ADGRF1: variants seen among roughly 807,000 people sequenced by gnomAD.
ADGRF1 encodes the protein adhesion G protein-coupled receptor F1.
A neutral mutation model predicts 87.2 loss-of-function variants in ADGRF1; 85 were observed. That is an observed-to-expected ratio of 0.97 (90% CI 0.82 to 1.17). The LOEUF (loss-of-function observed/expected upper bound fraction) is 1.17, where lower values mean the gene tolerates loss of function less well. ADGRF1 is among the 50% of genes most tolerant of loss of function. The probability of loss-of-function intolerance (pLI) is 0.00; values close to 1 mark genes in which losing one functional copy is unlikely to be tolerated. For missense variants in ADGRF1, 1,169 were observed against 1,077.2 expected (o/e 1.09, Z -1.19); for synonymous variants, 430 against 408.8 (o/e 1.05, Z -0.63).
At chr6:47,011,882 G>A (rs1476029471) in intron 10 of ADGRF1, 125 bp downstream of exon 10, 1 of 817,266 alleles carries the variant, frequency 1.2e-6, no homozygotes, top group African/African-American at 1.7e-5. Flanking sequence ...AAGCAGTAAA[G>A]TTCACATAAA....
intron 9 of ADGRF1, chr6:47,014,110 C>T (rs1779788811): frequency 8.6e-6 from 2 of 233,730 alleles, no homozygotes; most frequent in Admixed American, 6.5e-5. Flanking sequence ...ATCAAGTGAC[C>T]ATGCTTCTAA....
intron 11 of ADGRF1, among the ~76,000 whole-genome samples, chr6:47,007,948 A>G (rs1403181069): frequency 4.6e-5 from 7 of 152,256 alleles, no homozygotes; most frequent in Non-Finnish European, 1.0e-4. Context: ...GTTGCTGAAT[A>G]GATGGAGAAC....
chr6:47,008,611 T>C (rs542427532), intron 11 of ADGRF1, among the ~76,000 whole-genome samples: 5 of 152,322 alleles, frequency 3.3e-5, no homozygotes, highest in South Asian at 2.1e-4. Flanking sequence ...CAAGTACTTA[T>C]GATGTATTTC....
intron 7 of ADGRF1, chr6:47,017,792 G>T (rs955832094): frequency 6.6e-6 from 1 of 152,284 alleles, no homozygotes; most frequent in Admixed American, 6.5e-5. Context: ...TGCTTCTGGC[G>T]TGAGGGGATG....
At chr6:47,020,934 T>A (rs1780028738) in intron 6 of ADGRF1, 145 bp from the exon 7 acceptor site, 1 of 663,486 alleles carries the variant, frequency 1.5e-6, no homozygotes, top group Non-Finnish European at 2.7e-6. Context: ...TAATTGCATG[T>A]CATACAAATA....
At chr6:47,018,582 C>CT (rs1460376908) in intron 7 of ADGRF1, 3 of 1,289,216 alleles carry the variant, frequency 2.3e-6, no homozygotes, top group Non-Finnish European at 3.0e-6. Flanking sequence ...GTATAACTGT[C>CT]CTGTTTGACA....
rs1407937141 is a variant in ADGRF1, at chr6:47,014,666, G to A, written c.927+15C>T. The A allele has an allele frequency of 1.9e-6, 3 of 1,611,886 alleles. No individual in the cohort carries two copies. The highest frequency in any genetic ancestry group is 1.7e-5 in the Admixed American group (1 of 59,872). On this transcript the variant is annotated intron_variant, in intron 9 of 14. Transcript: ENST00000371253. ...CTCAAGACCAGGGCAAGTCTACACA[G>A]TGAAAATGCCTCACCTTGTTCAGTT... is the stretch of plus-strand genomic sequence containing the variant.
In ADGRF1 at chr6:47,012,129, CAGAA is replaced by C; in HGVS notation, c.990_993del (p.Val332SerfsTer20). The C allele has an allele frequency of 6.2e-7, 1 of 1,614,054 alleles. No individual in the cohort carries two copies. The highest frequency in any genetic ancestry group is 8.5e-7 in the Non-Finnish European group (1 of 1,179,932). Reference sequence around the variant, plus strand: ...GTTGATGGGTTTTGCCGAATGATGACAGAAAGATTTTGCACGAAGGATGACACAG... The same window carrying C: ...GTTGATGGGTTTTGCCGAATGATGACAGATTTTGCACGAAGGATGACACAG... On this transcript the variant is annotated frameshift_variant, in exon 10 of 15. Transcript: ENST00000371253. LOFTEE classifies it high-confidence loss of function.
chr6:47,011,998 A>C lies in ADGRF1; in HGVS notation c.1116+9T>G. 1 of 1,609,658 alleles carries C rather than the reference A, an allele frequency of 6.2e-7. No individual in the cohort carries two copies. Among genetic ancestry groups the C allele is most frequent in the Non-Finnish European group, 8.5e-7 (1 of 1,176,288 alleles). On this transcript the variant is annotated intron_variant, in intron 10 of 14. Coordinates refer to ENST00000371253, the MANE Select transcript of ADGRF1 (RefSeq NM_153840.4). ...TAAAGTGAGCCCTTCAAGCACAGGC[A>C]GACCATACCTCCATTGTTGAATTGG...
rs1779438072 is a variant in ADGRF1 at position 47,003,966 on chromosome 6, GC to G, written c.2592+1850del. 2.0e-5 allele frequency among the ~76,000 whole-genome samples: 3 copies of G among 152,136 alleles called. No individual in the cohort carries two copies. In the South Asian group the frequency reaches 6.2e-4, roughly 32 times the overall value. ...GGTACTTCCTGTGTCAAGCTAAGGA[GC>G]AAATCCCTCCATCTTCAGTCCGACC... On this transcript the variant is annotated intron_variant, in intron 13 of 14. Transcript: ENST00000371253.
chr6:47,035,878 A>G (rs542273204), intron 1 of ADGRF1, among the ~76,000 whole-genome samples: 2 of 152,358 alleles, frequency 1.3e-5, no homozygotes, highest in East Asian at 1.9e-4. Context: ...AAAGATGGAA[A>G]CAATCAACAC....
intron 1 of ADGRF1, among the ~76,000 whole-genome samples, chr6:47,029,648 G>A (rs1488022889): frequency 1.3e-5 from 2 of 151,958 alleles, no homozygotes; most frequent in Non-Finnish European, 1.5e-5. Flanking sequence ...ACATAGACCT[G>A]GTCACAAGAT....
At chr6:47,003,701 C>T (rs1026270984) in intron 13 of ADGRF1, among the ~76,000 whole-genome samples, 1 of 152,158 alleles carries the variant, frequency 6.6e-6, no homozygotes, top group Non-Finnish European at 1.5e-5. Flanking sequence ...TCCCATCTTT[C>T]CAGACTGAAC....
chr6:47,037,234 C>T (rs1780612994), intron 1 of ADGRF1, among the ~76,000 whole-genome samples: 1 of 152,110 alleles, frequency 6.6e-6, no homozygotes, highest in South Asian at 2.1e-4. Flanking sequence ...TAAGTTTAAG[C>T]ATTTTTTCAG....
At chr6:47,012,855 T>C (rs1582152419) in intron 9 of ADGRF1, 1 of 813,736 alleles carries the variant, frequency 1.2e-6, no homozygotes. Context: ...CTGCAACCTC[T>C]GCCTCCCAGG....
At position 47,023,944 on chromosome 6, in the gene ADGRF1, G is replaced by A. The variant is rs976798372; in HGVS notation, c.451+100C>T. 2.5e-5 allele frequency: 28 copies of A among 1,102,102 alleles called. 1 individual carries two copies. The Middle Eastern group carries it at 1.8e-3, about 69-fold the overall frequency. The allele number at this position is 1,102,102 out of a possible 1,614,324, so 68.3% of individuals were successfully genotyped here. A position where few individuals can be genotyped will look rare whatever the true frequency, so the allele number is the denominator to read the frequency against. On this transcript the variant is annotated intron_variant, in intron 5 of 14. Transcript: ENST00000371253. ...ATCATCACTGTCCCTCAATCTCCCT[G>A]TAAACAAACATTGACTAGCTAGACA...
In ADGRF1 at chr6:47,012,189, T is replaced by C; in HGVS notation, c.934A>G (p.Ser312Gly). The C allele has an allele frequency of 1.2e-6, 2 of 1,605,414 alleles. No individual in the cohort carries two copies. Among genetic ancestry groups the C allele is most frequent in the South Asian group, 1.1e-5 (1 of 90,764 alleles). ...SLLEELNKNF[S>G]MIVGNATEAA... ...TCAGTGGCATTGCCTACAATCATAC[T>C]GAAATTCTAGAAGCGAAAATGGTTA... Residue 312 changes from serine (S) to glycine (G), a missense_variant, in exon 10 of 15, where the codon AGT (serine) becomes GGT (glycine). Transcript: ENST00000371253.
chr6:47,008,093 G>A (rs530645853), intron 11 of ADGRF1, among the ~76,000 whole-genome samples: 1 of 152,336 alleles, frequency 6.6e-6, no homozygotes, highest in South Asian at 2.1e-4. Context: ...TGAGAGAATT[G>A]AGAGACAGAG....
intron 3 of ADGRF1, among the ~76,000 whole-genome samples, chr6:47,027,304 C>A (rs1780265276): frequency 6.6e-6 from 1 of 152,210 alleles, no homozygotes; most frequent in Admixed American, 6.5e-5. Flanking sequence ...CTATTGTAGA[C>A]TGACCCGGGA....
Sources: allele counts gnomAD v4.1 joint callset (sites outside exome capture counted in the v4.1 genomes callset), GRCh38; gene constraint gnomAD v4.1.1; transcripts MANE v1.5; gene names NCBI Gene and HGNC (gene_info 2026-07-23, HGNC 2026-07-21).